The following NRP2 variants were observed in gnomAD, a reference collection of about 807,000 sequenced individuals.
NRP2 encodes neuropilin 2, also known as neuropilin-2.
In NRP2, 52 loss-of-function variants were observed where a neutral mutation model predicts 110.4. That is an observed-to-expected ratio of 0.47 (90% CI 0.38 to 0.59). The LOEUF (loss-of-function observed/expected upper bound fraction) is 0.59. NRP2 is among the 20% of genes least tolerant of loss of function. The pLI is 0.00. For missense variants in NRP2, 1,049 were observed against 1,203.0 expected (o/e 0.87, Z 1.89); for synonymous variants, 508 against 468.9 (o/e 1.08, Z -1.08).
intron 7 of NRP2, among the ~76,000 whole-genome samples, chr2:205,733,106 T>C (rs1487902692): frequency 6.6e-6 from 1 of 152,156 alleles, no homozygotes; most frequent in Admixed American, 6.5e-5. Context: ...GTGCCCTAGG[T>C]AATTAAGTTT....
chr2:205,784,305 C>G (rs962551328), intron 15 of NRP2, among the ~76,000 whole-genome samples: 6 of 152,186 alleles, frequency 3.9e-5, no homozygotes, highest in African/African-American at 1.4e-4. Context: ...TTCTCCAAAG[C>G]CTGCTAGTTA....
chr2:205,781,912 A>G (rs181882608), intron 15 of NRP2, among the ~76,000 whole-genome samples: 66 of 152,308 alleles, frequency 4.3e-4, no homozygotes, highest in African/African-American at 1.5e-3. Flanking sequence ...CAGTATGTAT[A>G]GAGGTCAGAT....
chr2:205,733,714 C>T lies in NRP2; in HGVS notation c.1146+5668C>T, dbSNP rs528608430. On this transcript the variant is annotated intron_variant, in intron 7 of 16. Coordinates refer to ENST00000357785, the MANE Select transcript of NRP2 (RefSeq NM_003872.3). The stretch of plus-strand genomic sequence containing the variant: ...CCTAGAATGTCCGAGTTTCTCCTTC[C>T]CTCTTCCTAGGACATTGACTGTTCC... Among the ~76,000 whole-genome samples the T allele has an allele frequency of 6.3e-4, 96 of 152,190 alleles. No homozygotes were observed. The South Asian group carries it at 0.019, about 31-fold the overall frequency.
intron 11 of NRP2, chr2:205,752,338 T>G: frequency 1.3e-4 from 26 of 205,344 alleles, no homozygotes; most frequent in South Asian, 3.5e-4. Flanking sequence ...TCCTTGTTTC[T>G]GAGGTCACTT....
Position 205,790,774 on chromosome 2 carries a change from A to G in NRP2, c.2426-1461A>G, listed in dbSNP as rs1463763983. Among the ~76,000 whole-genome samples, 9 of 152,102 alleles carry G rather than the reference A, an allele frequency of 5.9e-5. No homozygotes were observed. The East Asian group carries it at 1.7e-3, about 29-fold the overall frequency. ...TTCACATCTCCCTTCCAAGGAAACA[A>G]CCTGCTCTGTTGGGGCCTGGAGGAG... On this transcript the variant is annotated intron_variant, in intron 15 of 16. Coordinates refer to ENST00000357785, the MANE Select transcript of NRP2 (RefSeq NM_003872.3).
chr2:205,700,141 A>G (rs2056521962), intron 2 of NRP2, among the ~76,000 whole-genome samples: 1 of 152,186 alleles, frequency 6.6e-6, no homozygotes, highest in African/African-American at 2.4e-5. Context: ...GAAAGGAACA[A>G]TTAATCTAAT....
chr2:205,766,634 G>A, intron 14 of NRP2, 149 bp from the exon 15 acceptor site: 2 of 717,170 alleles, frequency 2.8e-6, no homozygotes, highest in Non-Finnish European at 5.0e-6. Context: ...CCTAGAACAT[G>A]TGGAAGATGG....
chr2:205,707,632 T>A (rs1319196017), intron 2 of NRP2, among the ~76,000 whole-genome samples: 1 of 152,172 alleles, frequency 6.6e-6, no homozygotes, highest in Non-Finnish European at 1.5e-5. Context: ...AGAAAAATGA[T>A]ATGGAGCCTA....
chr2:205,693,716 C>A (rs10177716), intron 1 of NRP2, among the ~76,000 whole-genome samples: 2,810 of 152,270 alleles, frequency 0.018, 79 homozygotes, highest in African/African-American at 0.063. Flanking sequence ...AGTCCCATCA[C>A]CCCAGACTCA....
At chr2:205,730,505 A>G (rs1201300008) in intron 7 of NRP2, among the ~76,000 whole-genome samples, 1 of 152,158 alleles carries the variant, frequency 6.6e-6, no homozygotes, top group Non-Finnish European at 1.5e-5. Flanking sequence ...CTTGAAAGTG[A>G]AATTCAGACA....
At chr2:205,765,353 C>CAT in intron 13 of NRP2, 121 bp from the exon 14 acceptor site, 1 of 797,192 alleles carries the variant, frequency 1.3e-6, no homozygotes, top group Non-Finnish European at 2.2e-6. Context: ...TGCAATAACA[C>CAT]ACACACACAC....
chr2:205,721,041 G>A (rs1190509354), intron 3 of NRP2, among the ~76,000 whole-genome samples: 1 of 152,204 alleles, frequency 6.6e-6, no homozygotes, highest in Non-Finnish European at 1.5e-5. Context: ...TTTTCTGTCT[G>A]GTGCTGAAGA....
rs781556168 is a variant in NRP2, at chr2:205,752,833, A to T, written c.1904-2A>T. 5 of 1,614,096 alleles carry T rather than the reference A, an allele frequency of 3.1e-6. No homozygotes were observed. The East Asian group carries it at 1.1e-4, about 36-fold the overall frequency. ...CTTTGGGTTATTGTTTTCCCCTTTTAGACAAAGATTTGCAGCTCCCTTCGG... is the reference window on the plus strand; with the variant it reads ...CTTTGGGTTATTGTTTTCCCCTTTTTGACAAAGATTTGCAGCTCCCTTCGG... On this transcript the variant is annotated splice_acceptor_variant, in intron 11 of 16. Transcript: ENST00000357785. LOFTEE classifies it high-confidence loss of function.
intron 15 of NRP2, among the ~76,000 whole-genome samples, chr2:205,785,514 G>C (rs766054117): frequency 2.6e-5 from 4 of 152,206 alleles, no homozygotes; most frequent in Non-Finnish European, 4.4e-5. Flanking sequence ...CCAATTGCTT[G>C]TTCACATATC....
chr2:205,747,230 A>G (rs2057554316), intron 10 of NRP2, among the ~76,000 whole-genome samples: 3 of 152,330 alleles, frequency 2.0e-5, no homozygotes, highest in South Asian at 2.1e-4. Context: ...ACAGTGGTGT[A>G]TACGGGGTAC....
intron 9 of NRP2, among the ~76,000 whole-genome samples, chr2:205,744,069 A>T (rs950829849): frequency 6.6e-5 from 10 of 152,146 alleles, no homozygotes; most frequent in African/African-American, 2.4e-4. Flanking sequence ...TCGTTACAAC[A>T]TCTGTGCAAA....
At chr2:205,738,235 A>G (rs892902852) in intron 7 of NRP2, among the ~76,000 whole-genome samples, 1 of 152,262 alleles carries the variant, frequency 6.6e-6, no homozygotes, top group East Asian at 1.9e-4. Context: ...TTTTCACCCA[A>G]TGTGAACTCC....
intron 2 of NRP2, chr2:205,700,899 G>C (rs2056539598): frequency 2.8e-6 from 1 of 358,480 alleles, no homozygotes. Flanking sequence ...AGGCCACTGT[G>C]GTACTGCTGG....
intron 1 of NRP2, 59 bp downstream of exon 1, chr2:205,683,422 G>A (rs2056059992): frequency 2.4e-6 from 3 of 1,261,138 alleles, no homozygotes; most frequent in South Asian, 2.4e-5. Flanking sequence ...AAAAGTGACC[G>A]CTAAAGCAGG....
Sources: allele counts gnomAD v4.1 joint callset (sites outside exome capture counted in the v4.1 genomes callset), GRCh38; gene constraint gnomAD v4.1.1; transcripts MANE v1.5; gene names NCBI Gene and HGNC (gene_info 2026-07-23, HGNC 2026-07-21).